The following DNAH14 variants were observed in gnomAD, a reference collection of about 807,000 sequenced individuals.
DNAH14 encodes the protein dynein axonemal heavy chain 14, also known as axonemal beta dynein heavy chain 14.
In DNAH14, 478 loss-of-function variants were observed where a neutral mutation model predicts 520.9. The observed-to-expected ratio is 0.92, with a 90% confidence interval of 0.85 to 0.99. DNAH14 has a LOEUF of 0.99. Among genes scored for constraint, DNAH14 ranks in the 50% least tolerant of loss-of-function variants. The pLI is 0.00. For synonymous variants in DNAH14, 1,581 were observed against 1,757.2 expected (o/e 0.90, Z 2.51); for missense variants, 4,831 against 5,234.5 (o/e 0.92, Z 2.38).
chr1:225,066,416 A>G (rs1219942089), intron 17 of DNAH14, among the ~76,000 whole-genome samples: 1 of 152,040 alleles, frequency 6.6e-6, no homozygotes, highest in East Asian at 1.9e-4. Flanking sequence ...TTTTAGGCCA[A>G]CATCATGGAG....
At chr1:224,934,341 AAAG>A (rs2058890424) in intron 1 of DNAH14, among the ~76,000 whole-genome samples, 1 of 151,986 alleles carries the variant, frequency 6.6e-6, no homozygotes, top group Admixed American at 6.6e-5. Flanking sequence ...ATTCTTTTGA[AAAG>A]AACCAAATAA....
In DNAH14 at chr1:225,388,246, T is replaced by C. The variant is rs536137910; in HGVS notation, c.13078-133T>C. ...TAGACTTTTCATTATATGCTTTCAGTTGGAAAAGGACATCCTCCTGCCAAG... is the reference window on the plus strand; with the variant it reads ...TAGACTTTTCATTATATGCTTTCAGCTGGAAAAGGACATCCTCCTGCCAAG... On this transcript the variant is annotated intron_variant, in intron 81 of 85. Transcript: ENST00000682510. The C allele has an allele frequency of 4.9e-4, 257 of 525,406 alleles. 5 individuals are homozygous for C. The South Asian group carries it at 5.9e-3, about 12-fold the overall frequency. 32.5% of individuals were successfully genotyped at this position (525,406 alleles called of 1,614,324 possible).
chr1:224,930,388 G>T (rs1280207964), intron 1 of DNAH14, among the ~76,000 whole-genome samples: 5 of 152,146 alleles, frequency 3.3e-5, no homozygotes, highest in African/African-American at 1.2e-4. Flanking sequence ...ATACAGTCAT[G>T]TGCCTCATAA....
intron 17 of DNAH14, among the ~76,000 whole-genome samples, chr1:225,056,582 G>GT (rs2069129981): frequency 6.6e-6 from 1 of 152,188 alleles, no homozygotes; most frequent in Non-Finnish European, 1.5e-5. Context: ...CGCTTTTGGT[G>GT]TTTTAGATAT....
At chr1:225,270,007 A>T (rs1297687614) in intron 49 of DNAH14, among the ~76,000 whole-genome samples, 1 of 152,200 alleles carries the variant, frequency 6.6e-6, no homozygotes, top group African/African-American at 2.4e-5. Context: ...ATGCTGCTAT[A>T]AAGACACATG....
In DNAH14 at chr1:225,346,264, A is replaced by T; in HGVS notation, c.10981A>T (p.Lys3661Ter). 1 of 1,551,558 alleles carries T rather than the reference A, an allele frequency of 6.4e-7. No individual in the cohort carries two copies. The highest frequency in any genetic ancestry group is 8.7e-7 in the Non-Finnish European group (1 of 1,146,954). Residue 3661 changes from lysine (K) to a stop codon, truncating the protein, a stop_gained, in exon 70 of 86, where the codon AAA (lysine) becomes TAA (stop). Transcript: ENST00000682510. LOFTEE classifies it high-confidence loss of function. Reference sequence around the variant, plus strand: ...TTTTAAAAGGGAGAAAGTGTCTCCAAAAGAAGTTCATGAGTTTATAAGTAT... The same window carrying T: ...TTTTAAAAGGGAGAAAGTGTCTCCATAAGAAGTTCATGAGTTTATAAGTAT... Reference protein sequence around the residue: ...HSFKREKVSPKEVHEFISISK... With the variant: ...HSFKREKVSP
chr1:225,107,753 C>T (rs1430350347), intron 23 of DNAH14, among the ~76,000 whole-genome samples: 1 of 152,086 alleles, frequency 6.6e-6, no homozygotes, highest in Non-Finnish European at 1.5e-5. Context: ...ATTTACATTC[C>T]CACAAACAGT....
Position 225,351,890 on chromosome 1 carries a change from A to G in DNAH14, c.11533+7A>G. On this transcript the variant is annotated splice_region_variant and intron_variant, in intron 72 of 85. Coordinates refer to ENST00000682510, the MANE Select transcript of DNAH14 (RefSeq NM_001367479.1). Reference sequence around the variant, plus strand: ...ACAAAACCACCAGAGGAAAGTAAGAAAGCATTCAGTGTTTTAACCTAACTT... The same window carrying G: ...ACAAAACCACCAGAGGAAAGTAAGAGAGCATTCAGTGTTTTAACCTAACTT... The G allele has an allele frequency of 6.5e-7, 1 of 1,547,538 alleles. No individual in the cohort carries two copies. The highest frequency in any genetic ancestry group is 1.2e-5 in the South Asian group (1 of 83,856).
intron 8 of DNAH14, among the ~76,000 whole-genome samples, chr1:225,001,812 AGC>A: frequency 6.6e-6 from 1 of 152,224 alleles, no homozygotes; most frequent in South Asian, 2.1e-4. Context: ...ACATGTCTTT[AGC>A]ATAATCTCTT....
At chr1:225,335,740 T>TTCATAA (rs2094985001) in intron 66 of DNAH14, among the ~76,000 whole-genome samples, 2 of 81,272 alleles carry the variant, frequency 2.5e-5, no homozygotes, top group Non-Finnish European at 4.8e-5. Context: ...TGTGCATATA[T>TTCATAA]GTATATACGC....
intron 22 of DNAH14, 30 bp from the exon 23 acceptor site, chr1:225,100,683 A>G (rs2148723899): frequency 5.5e-6 from 8 of 1,463,042 alleles, no homozygotes; most frequent in Non-Finnish European, 6.3e-6. Context: ...CTTAAAAAAA[A>G]TAAAATGACA....
chr1:225,222,345 G>C (rs2090119151), intron 41 of DNAH14, among the ~76,000 whole-genome samples: 1 of 152,144 alleles, frequency 6.6e-6, no homozygotes, highest in African/African-American at 2.4e-5. Flanking sequence ...GTCTGGAGTT[G>C]GTTTCTTCCA....
chr1:225,148,812 T>C (rs1368407790), intron 31 of DNAH14, among the ~76,000 whole-genome samples: 5 of 152,180 alleles, frequency 3.3e-5, no homozygotes, highest in African/African-American at 1.2e-4. Flanking sequence ...GCTTGTAAAT[T>C]TGTTAAAGTT....
At chr1:225,368,710 A>T (rs79471128) in intron 77 of DNAH14, among the ~76,000 whole-genome samples, 2 of 152,110 alleles carry the variant, frequency 1.3e-5, no homozygotes, top group Non-Finnish European at 1.5e-5. Context: ...TAAAAAAAAA[A>T]CTTTCTGAGG....
rs150242797 is a variant in DNAH14 at position 225,242,476 on chromosome 1, T to A, written c.6748+1654T>A. 6.9e-4 allele frequency among the ~76,000 whole-genome samples: 105 copies of A among 152,236 alleles called. 1 individual carries two copies. Among genetic ancestry groups the A allele is most frequent in the African/African-American group, 2.4e-3 (98 of 41,554 alleles). On this transcript the variant is annotated intron_variant, in intron 43 of 85. Transcript: ENST00000682510. ...ACAAACACACACATTAGCCTAGGCC[T>A]ACGTGGGGTCAAGTTCATCAATATC...
chr1:225,078,030 A>G (rs1340529832), intron 17 of DNAH14, among the ~76,000 whole-genome samples: 2 of 152,224 alleles, frequency 1.3e-5, no homozygotes, highest in Non-Finnish European at 2.9e-5. Flanking sequence ...ATACTCCTTA[A>G]GAACCCTTGA....
At position 225,162,809 on chromosome 1, in the gene DNAH14, T is replaced by C. The variant is rs559352514; in HGVS notation, c.5445+3324T>C. Among the ~76,000 whole-genome samples, 14 of 152,242 alleles carry C rather than the reference T, an allele frequency of 9.2e-5. No homozygotes were observed. In the South Asian group the frequency reaches 2.7e-3, roughly 29 times the overall value. On this transcript the variant is annotated intron_variant, in intron 35 of 85. Coordinates refer to ENST00000682510, the MANE Select transcript of DNAH14 (RefSeq NM_001367479.1). ...TACTATAAATGGGATTACTTTTATTTCTTTTTCAGGTCGTTCTCTGTTGGC... is the reference window on the plus strand; with the variant it reads ...TACTATAAATGGGATTACTTTTATTCCTTTTTCAGGTCGTTCTCTGTTGGC...
At chr1:225,095,034 T>C (rs544267721) in intron 21 of DNAH14, among the ~76,000 whole-genome samples, 12 of 152,186 alleles carry the variant, frequency 7.9e-5, no homozygotes, top group African/African-American at 2.6e-4. Flanking sequence ...GCCAGTGAGG[T>C]TGCAGAGAAA....
chr1:225,303,035 C>A, intron 56 of DNAH14, 121 bp from the exon 57 acceptor site: 1 of 725,860 alleles, frequency 1.4e-6, no homozygotes, highest in Non-Finnish European at 2.1e-6. Flanking sequence ...CACAAATGAT[C>A]AGTCCCTGAT....
Sources: allele counts gnomAD v4.1 joint callset (sites outside exome capture counted in the v4.1 genomes callset), GRCh38; gene constraint gnomAD v4.1.1; transcripts MANE v1.5; gene names NCBI Gene and HGNC (gene_info 2026-07-23, HGNC 2026-07-21).